ABHD17C: variants seen among roughly 807,000 people sequenced by gnomAD.
ABHD17C encodes the protein alpha/beta hydrolase domain-containing protein 17C.
ABHD17C carries 11 observed loss-of-function variants against 27.9 expected under a neutral mutation model. The observed-to-expected ratio is 0.39, with a 90% confidence interval of 0.25 to 0.65. The LOEUF is 0.65. ABHD17C is among the 30% of genes least tolerant of loss of function. The pLI is 0.45. For synonymous variants in ABHD17C, 233 were observed against 209.1 expected, an observed-to-expected ratio of 1.11 and a Z score of -0.98; for missense variants, 280 against 470.2, an observed-to-expected ratio of 0.60 and a Z score of 3.74.
In ABHD17C at chr15:80,754,807, G is replaced by GT. The variant is rs1375333936; in HGVS notation, c.*438dup. ...AATCCATTTGTGAAGCTGTGATAGT[G>GT]TAACTGGAAAGCTAGTGTGGTGAAA... On this transcript the variant is annotated 3_prime_UTR_variant, in exon 3 of 3. Coordinates refer to ENST00000258884, the MANE Select transcript of ABHD17C (RefSeq NM_021214.2). The GT allele has an allele frequency of 6.4e-6, 1 of 156,414 alleles. No individual in the cohort carries two copies. Among genetic ancestry groups the GT allele is most frequent in the Non-Finnish European group, 1.4e-5 (1 of 70,744 alleles). 9.7% of individuals were successfully genotyped at this position (156,414 alleles called of 1,614,324 possible). A position where few individuals can be genotyped will look rare whatever the true frequency, so the allele number is the denominator to read the frequency against.
chr15:80,724,696 G>A (rs1894948449), intron 1 of ABHD17C, among the ~76,000 whole-genome samples: 1 of 152,108 alleles, frequency 6.6e-6, no homozygotes, highest in Non-Finnish European at 1.5e-5. Flanking sequence ...AAGCTCTGTG[G>A]GTCTGGGAGG....
intron 2 of ABHD17C, 29 bp downstream of exon 2, chr15:80,749,721 A>G (rs999704057): frequency 1.0e-5 from 16 of 1,598,816 alleles, no homozygotes; most frequent in South Asian, 2.2e-5. Context: ...AACAAGTGGT[A>G]AGTCAGCCAA....
At chr15:80,751,703 A>C (rs1895368738) in intron 2 of ABHD17C, among the ~76,000 whole-genome samples, 1 of 152,228 alleles carries the variant, frequency 6.6e-6, no homozygotes, top group East Asian at 1.9e-4. Flanking sequence ...GCAGTGAGCT[A>C]GGATTACACT....
At chr15:80,716,056 G>A (rs985134290) in intron 1 of ABHD17C, among the ~76,000 whole-genome samples, 12 of 152,110 alleles carry the variant, frequency 7.9e-5, no homozygotes, top group African/African-American at 2.4e-4. Context: ...TTTAAACAAG[G>A]ACCAGTTTTT....
intron 1 of ABHD17C, among the ~76,000 whole-genome samples, chr15:80,734,666 G>C (rs552227889): frequency 1.3e-5 from 2 of 152,190 alleles, no homozygotes; most frequent in Admixed American, 1.3e-4. Context: ...CAGAGAAAGG[G>C]TATATGGTAG....
At chr15:80,716,630 A>G (rs1894806856) in intron 1 of ABHD17C, among the ~76,000 whole-genome samples, 2 of 152,162 alleles carry the variant, frequency 1.3e-5, no homozygotes, top group African/African-American at 4.8e-5. Flanking sequence ...TCCACTTTAC[A>G]TCCCATCAGA....
chr15:80,717,250 T>C (rs1298263727), intron 1 of ABHD17C, among the ~76,000 whole-genome samples: 1 of 72,264 alleles, frequency 1.4e-5, no homozygotes, highest in African/African-American at 5.7e-5. Context: ...GAGCATTTGA[T>C]GGGGGCCAAA....
At chr15:80,754,023 C>CA (rs1048914495) in intron 2 of ABHD17C, 128 bp from the exon 3 acceptor site, 85 of 773,444 alleles carry the variant, frequency 1.1e-4, no homozygotes, top group African/African-American at 2.8e-4. Flanking sequence ...ACAAAACAAA[C>CA]AAAAAAAACC....
intron 1 of ABHD17C, among the ~76,000 whole-genome samples, chr15:80,697,770 T>C (rs1216655353): frequency 6.6e-6 from 1 of 152,232 alleles, no homozygotes; most frequent in Non-Finnish European, 1.5e-5. Context: ...AGATTGCCCA[T>C]GATTTATTTA....
intron 1 of ABHD17C, among the ~76,000 whole-genome samples, chr15:80,738,940 C>T (rs1443642267): frequency 6.6e-6 from 1 of 152,080 alleles, no homozygotes. Context: ...TGGACAAGTT[C>T]TATTAATACA....
At chr15:80,745,448 C>T (rs531442392) in intron 1 of ABHD17C, among the ~76,000 whole-genome samples, 30 of 151,598 alleles carry the variant, frequency 2.0e-4, no homozygotes, top group African/African-American at 6.8e-4. Flanking sequence ...GAACACTGTT[C>T]ACCTCGACCT....
intron 1 of ABHD17C, among the ~76,000 whole-genome samples, chr15:80,711,715 A>G (rs1894731099): frequency 6.6e-6 from 1 of 152,192 alleles, no homozygotes; most frequent in South Asian, 2.1e-4. Flanking sequence ...TGAACTGAAA[A>G]TGGGACCAGT....
At chr15:80,751,911 G>A (rs1895370969) in intron 2 of ABHD17C, among the ~76,000 whole-genome samples, 1 of 152,170 alleles carries the variant, frequency 6.6e-6, no homozygotes, top group African/African-American at 2.4e-5. Context: ...TTCTTAATAT[G>A]TCCGTTGTTG....
intron 1 of ABHD17C, among the ~76,000 whole-genome samples, chr15:80,719,801 T>C (rs1173546217): frequency 6.6e-6 from 1 of 152,194 alleles, no homozygotes; most frequent in Non-Finnish European, 1.5e-5. Flanking sequence ...GATCACCTTT[T>C]CTTTTTGTTT....
At position 80,695,594 on chromosome 15, in the gene ABHD17C, C is replaced by CGCCCCG. The variant is rs1331879689; in HGVS notation, c.176_181dup (p.Pro59_Ala60dup). 1.4e-5 allele frequency: 15 copies of CGCCCCG among 1,103,986 alleles called. No individual in the cohort carries two copies. The highest frequency in any genetic ancestry group is 5.3e-5 in the East Asian group (1 of 18,850). 68.4% of individuals were successfully genotyped at this position (1,103,986 alleles called of 1,614,324 possible). On this transcript the variant is annotated inframe_insertion, in exon 1 of 3. Coordinates refer to ENST00000258884, the MANE Select transcript of ABHD17C (RefSeq NM_021214.2). This position sits in a 1 kb window ranked among gnomAD's most constrained non-coding sequence, Gnocchi z 4.3. ...CGGAGCAGCGCGGCGCCGGCGCGTC[C>CGCCCCG]GCCCCGGCCCCGGCCCAGGCTACCG...
chr15:80,749,729 C>T (rs762918113), intron 2 of ABHD17C, 37 bp downstream of exon 2: 2 of 1,584,532 alleles, frequency 1.3e-6, no homozygotes, highest in Admixed American at 3.4e-5. Flanking sequence ...GTAAGTCAGC[C>T]AATGACTGTG....
intron 1 of ABHD17C, among the ~76,000 whole-genome samples, chr15:80,703,814 T>C (rs1045949657): frequency 6.6e-6 from 1 of 152,198 alleles, no homozygotes; most frequent in African/African-American, 2.4e-5. Flanking sequence ...CCCCCTTACC[T>C]GGTGGGGGAT....
chr15:80,697,868 G>T (rs1240149999), intron 1 of ABHD17C, among the ~76,000 whole-genome samples: 1 of 152,130 alleles, frequency 6.6e-6, no homozygotes, highest in Non-Finnish European at 1.5e-5. Flanking sequence ...CTTAGAATTT[G>T]AAGGAACCTT....
chr15:80,707,396 G>A (rs1894661877), intron 1 of ABHD17C, among the ~76,000 whole-genome samples: 1 of 152,190 alleles, frequency 6.6e-6, no homozygotes. Context: ...TCCTGCAGTA[G>A]GAGTTCAGTT....
Sources: gnomAD v4.1 joint callset for allele counts (sites outside exome capture counted in the v4.1 genomes callset) on GRCh38, gnomAD v4.1.1 for gene constraint, Gnocchi (gnomAD v3.1) non-coding constraint, MANE v1.5 for transcripts, NCBI Gene and HGNC (gene_info 2026-07-23, HGNC 2026-07-21) for gene names.